Variants in MYSM1 observed in about 807,000 individuals in gnomAD.
The protein encoded by MYSM1 is deubiquitinase MYSM1.
Under a neutral mutation model 116.0 loss-of-function variants are expected in MYSM1, and 51 were observed. That is an observed-to-expected ratio of 0.44 (90% CI 0.35 to 0.56). The LOEUF is 0.56. Ranked by LOEUF, MYSM1 falls within the 20% of genes least tolerant of loss-of-function variation. The pLI is 0.00. For synonymous variants in MYSM1, 313 were observed against 315.2 expected (o/e 0.99, Z 0.07); for missense variants, 900 against 974.9 (o/e 0.92, Z 1.02).
chr1:58,655,841 TG>T lies in MYSM1; in HGVS notation c.*4155del, dbSNP rs1313238880. Reference sequence around the variant, plus strand: ...TTATAAAAATGTGTGTGCTTTTCTTTGTGCTTGGATAAAAGAAGTTTTCCTA... The same window carrying T: ...TTATAAAAATGTGTGTGCTTTTCTTTTGCTTGGATAAAAGAAGTTTTCCTA... On this transcript the variant is annotated 3_prime_UTR_variant, in exon 20 of 20. Coordinates refer to ENST00000472487, the MANE Select transcript of MYSM1 (RefSeq NM_001085487.3). 6.6e-6 allele frequency: 1 copy of T among 152,180 alleles called. No individual in the cohort carries two copies. The highest frequency in any genetic ancestry group is 1.5e-5 in the Non-Finnish European group (1 of 68,034). 9.4% of individuals were successfully genotyped at this position (152,180 alleles called of 1,614,324 possible).
intron 17 of MYSM1, among the ~76,000 whole-genome samples, chr1:58,662,928 A>G (rs1390213949): frequency 6.6e-6 from 1 of 152,160 alleles, no homozygotes; most frequent in Non-Finnish European, 1.5e-5. Context: ...TTGATTACTT[A>G]CTAAACATGG....
In MYSM1 at chr1:58,693,521, C is replaced by T. The variant is rs143865172; in HGVS notation, c.148-590G>A. ...TTCTCCCTCTGCATTCCCAACTCTACGAAAGGCACTATTACTCACTAAGTT... is the reference window on the plus strand; with the variant it reads ...TTCTCCCTCTGCATTCCCAACTCTATGAAAGGCACTATTACTCACTAAGTT... On this transcript the variant is annotated intron_variant, in intron 2 of 19. Coordinates refer to ENST00000472487, the MANE Select transcript of MYSM1 (RefSeq NM_001085487.3). Among the ~76,000 whole-genome samples, 7 of 152,344 alleles carry T rather than the reference C, an allele frequency of 4.6e-5. No homozygotes were observed. In the East Asian group the frequency reaches 1.2e-3, roughly 25 times the overall value.
At chr1:58,678,267 T>C (rs1167596309) in intron 8 of MYSM1, among the ~76,000 whole-genome samples, 2 of 152,080 alleles carry the variant, frequency 1.3e-5, no homozygotes, top group Non-Finnish European at 2.9e-5. Flanking sequence ...CATAGAAACG[T>C]TGAGATTTCA....
intron 8 of MYSM1, among the ~76,000 whole-genome samples, chr1:58,677,397 T>C (rs916407853): frequency 1.1e-4 from 16 of 152,130 alleles, no homozygotes; most frequent in African/African-American, 3.6e-4. Flanking sequence ...TGATAATATA[T>C]AGAAAAGATT....
chr1:58,676,747 A>G (rs1367488603), intron 9 of MYSM1, 179 bp downstream of exon 9: 10 of 479,568 alleles, frequency 2.1e-5, no homozygotes, highest in Non-Finnish European at 3.0e-5. Flanking sequence ...GTGTAGGTCA[A>G]ATGAAAACAC....
At chr1:58,684,151 C>T (rs564977803) in intron 7 of MYSM1, among the ~76,000 whole-genome samples, 1 of 152,022 alleles carries the variant, frequency 6.6e-6, no homozygotes, top group Non-Finnish European at 1.5e-5. Context: ...TAGACAACAC[C>T]GAAACAAATC....
rs1465063173 is a variant in MYSM1 at position 58,673,789 on chromosome 1, G to A, written c.1495-139C>T. On this transcript the variant is annotated intron_variant, in intron 10 of 19. Transcript: ENST00000472487. ...TTTAAATAGTATAACCTCTGGCAAT[G>A]ACTGACTAAACTTTATTAATTTATG... is the stretch of plus-strand genomic sequence containing the variant. 1.3e-5 allele frequency: 9 copies of A among 670,170 alleles called. No individual in the cohort carries two copies. The East Asian group carries it at 2.6e-4, about 20-fold the overall frequency. 41.5% of individuals were successfully genotyped at this position (670,170 alleles called of 1,614,324 possible). A position where few individuals can be genotyped will look rare whatever the true frequency, so the allele number is the denominator to read the frequency against.
chr1:58,677,066 A>T lies in MYSM1; in HGVS notation c.1260-10T>A. ...TGGTTTGCATATCTCCCTAATTAAG[A>T]GACAGAAGTACAATTATTTTGGATA... On this transcript the variant is annotated splice_polypyrimidine_tract_variant and intron_variant, in intron 8 of 19. Coordinates refer to ENST00000472487, the MANE Select transcript of MYSM1 (RefSeq NM_001085487.3). 1 of 1,584,690 alleles carries T rather than the reference A, an allele frequency of 6.3e-7. No homozygotes were observed.
chr1:58,671,812 T>C, intron 12 of MYSM1, 58 bp downstream of exon 12: 2 of 1,236,350 alleles, frequency 1.6e-6, no homozygotes, highest in South Asian at 2.7e-5. Context: ...TATTTTTTCA[T>C]ATATTATCTA....
intron 12 of MYSM1, among the ~76,000 whole-genome samples, chr1:58,669,345 A>G (rs1034857941): frequency 2.0e-5 from 3 of 152,226 alleles, no homozygotes; most frequent in Admixed American, 6.5e-5. Context: ...CAAAAAGTCC[A>G]ATGAAAATAT....
rs1288044631 is a variant in MYSM1 at position 58,654,939 on chromosome 1, C to A, written c.*5058G>T. The A allele has an allele frequency of 6.6e-6, 1 of 152,046 alleles. No individual in the cohort carries two copies. Among genetic ancestry groups the A allele is most frequent in the Non-Finnish European group, 1.5e-5 (1 of 67,980 alleles). The allele number at this position is 152,046 out of a possible 1,614,324, so 9.4% of individuals were successfully genotyped here. On this transcript the variant is annotated 3_prime_UTR_variant, in exon 20 of 20. Transcript: ENST00000472487. ...CAACATTTTTAAATACAGACATATA[C>A]AACATGGCATATTTAAATGTACAAA...
chr1:58,661,202 G>A lies in MYSM1; in HGVS notation c.2296C>T (p.Arg766Cys), dbSNP rs141454457. 436 of 1,613,224 alleles carry A rather than the reference G, an allele frequency of 2.7e-4. 4 individuals are homozygous for A. In the South Asian group the frequency reaches 4.4e-3, roughly 16 times the overall value. The change falls in exon 19 of 20, where the codon CGC becomes TGC. Residue 766 changes from arginine (R) to cysteine (C), a missense_variant. Transcript: ENST00000472487. ...AAACAAGTCAGGTCAGAATCCCGGC[G>A]AAAGATTTTATCCATGGGGACGCTG... ...HSSVPMDKIF[R>C]RDSDLTCLQK... is the part of the protein sequence containing the mutation.
At position 58,681,646 on chromosome 1, in the gene MYSM1, A is replaced by G. The variant is rs938903490; in HGVS notation, c.1259+139T>C. ...ATAATGTTTACCAAAGCTTTTTTTCATTACAAGAAATCTTAAATCTTCCCT... is the reference window on the plus strand; with the variant it reads ...ATAATGTTTACCAAAGCTTTTTTTCGTTACAAGAAATCTTAAATCTTCCCT... On this transcript the variant is annotated intron_variant, in intron 8 of 19. Coordinates refer to ENST00000472487, the MANE Select transcript of MYSM1 (RefSeq NM_001085487.3). 8 of 886,182 alleles carry G rather than the reference A, an allele frequency of 9.0e-6. No individual in the cohort carries two copies. The Admixed American group carries it at 1.4e-4, about 15-fold the overall frequency. 54.9% of individuals were successfully genotyped at this position (886,182 alleles called of 1,614,324 possible).
intron 17 of MYSM1, among the ~76,000 whole-genome samples, chr1:58,664,014 G>GT (rs1191495033): frequency 6.6e-6 from 1 of 152,108 alleles, no homozygotes; most frequent in Admixed American, 6.6e-5. Context: ...ATTTTGTCCA[G>GT]TTTTTTGGTA....
At position 58,693,029 on chromosome 1, in the gene MYSM1, T is replaced by C. The variant is rs1039161091; in HGVS notation, c.148-98A>G. On this transcript the variant is annotated intron_variant, in intron 2 of 19. Transcript: ENST00000472487. ...AAATACATGTTATAATGATTATAAA[T>C]GACAGTCACCATTTACTGAGCACAC... is the stretch of plus-strand genomic sequence containing the variant. 4 of 937,968 alleles carry C rather than the reference T, an allele frequency of 4.3e-6. No individual in the cohort carries two copies. In the African/African-American group the frequency reaches 6.7e-5, roughly 16 times the overall value. 58.1% of individuals were successfully genotyped at this position (937,968 alleles called of 1,614,324 possible). A position where few individuals can be genotyped will look rare whatever the true frequency, so the allele number is the denominator to read the frequency against.
intron 11 of MYSM1, among the ~76,000 whole-genome samples, chr1:58,673,313 T>C (rs1644592290): frequency 6.6e-6 from 1 of 152,228 alleles, no homozygotes; most frequent in Admixed American, 6.5e-5. Flanking sequence ...TACCAACTTC[T>C]TGACACCCTT....
At position 58,655,227 on chromosome 1, in the gene MYSM1, C is replaced by T. The variant is rs1644304383; in HGVS notation, c.*4770G>A. ...TTCATAGGTTTAAATACATGTTTCA[C>T]AGTAATCTATGAAACAGGAATATAA... On this transcript the variant is annotated 3_prime_UTR_variant, in exon 20 of 20. Coordinates refer to ENST00000472487, the MANE Select transcript of MYSM1 (RefSeq NM_001085487.3). The T allele has an allele frequency of 6.6e-6, 1 of 152,082 alleles. No homozygotes were observed. The highest frequency in any genetic ancestry group is 2.4e-5 in the African/African-American group (1 of 41,418). The allele number at this position is 152,082 out of a possible 1,614,324, so 9.4% of individuals were successfully genotyped here.
chr1:58,660,329 T>C (rs1392875048), intron 19 of MYSM1, among the ~76,000 whole-genome samples, 174 bp from the exon 20 acceptor site: 1 of 152,164 alleles, frequency 6.6e-6, no homozygotes, highest in Non-Finnish European at 1.5e-5. Context: ...AGCTGGAATG[T>C]AGGAAATTGC....
intron 1 of MYSM1, among the ~76,000 whole-genome samples, chr1:58,698,941 G>C (rs1423081389): frequency 6.6e-6 from 1 of 152,186 alleles, no homozygotes; most frequent in African/African-American, 2.4e-5. Flanking sequence ...CCTGTTCACA[G>C]AGGCCCTAAT....
Sources: gnomAD v4.1 joint callset for allele counts (sites outside exome capture counted in the v4.1 genomes callset) on GRCh38, gnomAD v4.1.1 for gene constraint, MANE v1.5 for transcripts, NCBI Gene and HGNC (gene_info 2026-07-23, HGNC 2026-07-21) for gene names.